NEMF: variants seen among roughly 807,000 people sequenced by gnomAD.
NEMF encodes ribosome quality control complex subunit NEMF.
In NEMF, 89 loss-of-function variants were observed where a neutral mutation model predicts 162.2. The observed-to-expected ratio is 0.55, with a 90% CI of 0.46 to 0.65. The LOEUF (loss-of-function observed/expected upper bound fraction) is 0.65. Ranked by LOEUF, NEMF falls within the 30% of genes least tolerant of loss-of-function variation. The probability of loss-of-function intolerance (pLI) is 0.00; values close to 1 mark genes in which losing one functional copy is unlikely to be tolerated. For synonymous variants in NEMF, 421 were observed against 404.5 expected, an observed-to-expected ratio of 1.04 and a Z score of -0.49; for missense variants, 1,133 against 1,261.9, an observed-to-expected ratio of 0.90 and a Z score of 1.55.
At chr14:49,827,217 C>T (rs757141511) in intron 15 of NEMF, among the ~76,000 whole-genome samples, 3 of 152,164 alleles carry the variant, frequency 2.0e-5, no homozygotes, top group Non-Finnish European at 2.9e-5. Context: ...GACGGAGTCT[C>T]GCTCTGTCTC....
intron 8 of NEMF, among the ~76,000 whole-genome samples, chr14:49,832,905 C>A (rs1341318705): frequency 1.3e-5 from 2 of 152,108 alleles, no homozygotes; most frequent in Non-Finnish European, 2.9e-5. Flanking sequence ...CGATACTAAC[C>A]TGACATTGTA....
intron 6 of NEMF, 86 bp downstream of exon 6, chr14:49,838,053 C>G: frequency 9.3e-7 from 1 of 1,071,306 alleles, no homozygotes; most frequent in Non-Finnish European, 1.4e-6. Flanking sequence ...TTCAAATTTT[C>G]TAATAAAACC....
intron 16 of NEMF, chr14:49,820,456 T>C (rs1208174495): frequency 2.2e-6 from 1 of 456,700 alleles, no homozygotes; most frequent in Non-Finnish European, 4.4e-6. Flanking sequence ...CGTTTCAGAT[T>C]CTGAAAGTAT....
In NEMF at chr14:49,784,970, G is replaced by A. The variant is rs1038035420; in HGVS notation, c.3108C>T (p.Ser1036=). The A allele has an allele frequency of 3.7e-6, 6 of 1,613,734 alleles. No homozygotes were observed. The highest frequency in any genetic ancestry group is 1.7e-5 in the Admixed American group (1 of 59,988). Residue 1036 remains serine, a synonymous_variant, in exon 32 of 33, where the codon TCC becomes TCT. Transcript: ENST00000298310. ...AKTALNSFMH[S]KEATAREKDL... is the part of the protein sequence containing the mutation. ...CTTTTTCTCTTGCTGTTGCTTCTTTGGAATGCATGAAACTATTCAAGGCTG... is the reference window on the plus strand; with the variant it reads ...CTTTTTCTCTTGCTGTTGCTTCTTTAGAATGCATGAAACTATTCAAGGCTG...
intron 4 of NEMF, among the ~76,000 whole-genome samples, chr14:49,842,676 T>C (rs1008461094): frequency 2.0e-5 from 3 of 152,196 alleles, no homozygotes; most frequent in Admixed American, 1.3e-4. Context: ...TTACGTTGGT[T>C]AGAGAGATAG....
chr14:49,823,427 T>C (rs777077561), intron 16 of NEMF, among the ~76,000 whole-genome samples: 11 of 151,754 alleles, frequency 7.2e-5, no homozygotes, highest in Non-Finnish European at 1.5e-4. Context: ...AAAAAAGTCC[T>C]CTCTTTTTTT....
At chr14:49,814,726 A>T (rs1032906343) in intron 17 of NEMF, 28 bp downstream of exon 17, 14 of 1,294,314 alleles carry the variant, frequency 1.1e-5, no homozygotes, top group Middle Eastern at 1.9e-4. Context: ...TTCAAGAGAA[A>T]ATTTTTCCGA....
intron 6 of NEMF, 63 bp from the exon 7 acceptor site, chr14:49,834,512 T>C: frequency 8.1e-7 from 1 of 1,241,194 alleles, no homozygotes; most frequent in South Asian, 1.3e-5. Context: ...TTTTTGTTTT[T>C]TGAGATGGAG....
chr14:49,808,862 G>C (rs997486641), intron 18 of NEMF, among the ~76,000 whole-genome samples: 1 of 151,710 alleles, frequency 6.6e-6, no homozygotes, highest in East Asian at 1.9e-4. Context: ...TTAACAAATG[G>C]GCCAAAGACT....
At chr14:49,838,541 A>T (rs945925489) in intron 5 of NEMF, among the ~76,000 whole-genome samples, 1 of 151,854 alleles carries the variant, frequency 6.6e-6, no homozygotes, top group African/African-American at 2.4e-5. Flanking sequence ...TAATATCCAA[A>T]ATGGTTTACC....
intron 28 of NEMF, 78 bp downstream of exon 28, chr14:49,789,068 T>C: frequency 8.7e-7 from 1 of 1,149,744 alleles, no homozygotes; most frequent in African/African-American, 1.5e-5. Context: ...GTTTTAGCAC[T>C]GAAAGTCCCA....
rs562068169 is a variant in NEMF, at chr14:49,829,426, C to T, written c.946G>A (p.Glu316Lys). The change falls in exon 12 of 33, where the codon GAA (glutamate) becomes AAA (lysine). Residue 316 changes from glutamate to lysine, a missense_variant and splice_region_variant. Glu to Lys is a moderately conservative substitution (Grantham distance 56). Around this residue, in one of 3 missense-constraint regions of NEMF, gnomAD observed 582 missense variants for 631.5 expected, o/e 0.92. Transcript: ENST00000298310. ...TCTAATTTCTTCAATGCTTGCTTTT[C>T]CTTTTATTGGCAAAACAGATTTTTT... The part of the protein sequence containing the change: ...QKIDLKALQQ[E>K]KQALKKLDNV... The T allele has an allele frequency of 1.3e-5, 21 of 1,612,732 alleles. No homozygotes were observed. The South Asian group carries it at 2.3e-4, about 18-fold the overall frequency.
In NEMF at chr14:49,811,708, G is replaced by A. The variant is rs555629022; in HGVS notation, c.1744+2280C>T. Among the ~76,000 whole-genome samples the A allele has an allele frequency of 7.2e-5, 11 of 152,254 alleles. No individual in the cohort carries two copies. In the South Asian group the frequency reaches 1.9e-3, roughly 26 times the overall value. ...CTTCATAAGTTGAGATAATCCATGT[G>A]TGTTTTTTGTCCTTTATTAGTAGAT... On this transcript the variant is annotated intron_variant, in intron 18 of 32. Coordinates refer to ENST00000298310, the MANE Select transcript of NEMF (RefSeq NM_004713.6).
In NEMF at chr14:49,784,975, G is replaced by A. The variant is rs188828470; in HGVS notation, c.3103C>T (p.His1035Tyr). ...AAKTALNSFM[H>Y]SKEATAREKD... ...TCTCTTGCTGTTGCTTCTTTGGAAT[G>A]CATGAAACTATTCAAGGCTGTTTTT... is the stretch of plus-strand genomic sequence containing the variant. The change falls in exon 32 of 33, where the codon CAT becomes TAT. Residue 1035 changes from histidine to tyrosine, a missense_variant. Physicochemically the swap from His to Tyr is moderately conservative, Grantham distance 83 (BLOSUM62 2). This residue lies in a region of NEMF where 532 missense variants were observed against 578.6 expected (regional missense o/e 0.92). Transcript: ENST00000298310. The A allele has an allele frequency of 4.2e-4, 677 of 1,613,786 alleles. No homozygotes were observed. The highest frequency in any genetic ancestry group is 5.4e-4 in the Non-Finnish European group (634 of 1,179,834).
chr14:49,803,404 GAA>G, intron 19 of NEMF, 110 bp from the exon 20 acceptor site: 1 of 637,072 alleles, frequency 1.6e-6, no homozygotes, highest in Non-Finnish European at 2.6e-6. Context: ...ACTGTCTTCT[GAA>G]AAGTTTATAA....
chr14:49,803,181 C>T, intron 20 of NEMF, 56 bp downstream of exon 20: 2 of 1,226,552 alleles, frequency 1.6e-6, no homozygotes, highest in Non-Finnish European at 2.4e-6. Context: ...CTGTCTCAAA[C>T]CTGTCTCCAT....
chr14:49,822,263 G>T (rs1184400185), intron 16 of NEMF, among the ~76,000 whole-genome samples: 2 of 145,952 alleles, frequency 1.4e-5, no homozygotes, highest in African/African-American at 5.1e-5. Flanking sequence ...CCCCCTCTGC[G>T]AGAAACACCC....
At position 49,782,588 on chromosome 14, in the gene NEMF, T is replaced by C. The variant is rs1168021700; in HGVS notation, c.*2048A>G. 6.3e-7 allele frequency: 1 copy of C among 1,596,622 alleles called. No individual in the cohort carries two copies. The highest frequency in any genetic ancestry group is 1.1e-5 in the South Asian group (1 of 90,000). On this transcript the variant is annotated 3_prime_UTR_variant, in exon 33 of 33. Coordinates refer to ENST00000298310, the MANE Select transcript of NEMF (RefSeq NM_004713.6). ...ATATTTTCAGTTCAACCAAAATCTC[T>C]TGTACGGTAAGTAACTTTGTACTTG...
rs1594781901 is a variant in NEMF, at chr14:49,828,563, C to G, written c.1424+53G>C. 2.2e-6 allele frequency: 3 copies of G among 1,374,270 alleles called. No homozygotes were observed. The East Asian group carries it at 7.2e-5, about 33-fold the overall frequency. 85.1% of individuals were successfully genotyped at this position (1,374,270 alleles called of 1,614,324 possible). On this transcript the variant is annotated intron_variant, in intron 14 of 32. Transcript: ENST00000298310. ...AAATTTTTTAAAATGTCCTTAATTCCTTAATTTATTGCAGATAACACTTGG... is the reference window on the plus strand; with the variant it reads ...AAATTTTTTAAAATGTCCTTAATTCGTTAATTTATTGCAGATAACACTTGG...
Sources: gnomAD v4.1 joint callset for allele counts (sites outside exome capture counted in the v4.1 genomes callset) on GRCh38, gnomAD v4.1.1 for gene constraint, gnomAD v4.1.1 regional missense constraint, MANE v1.5 for transcripts, NCBI Gene and HGNC (gene_info 2026-07-23, HGNC 2026-07-21) for gene names.